The following STAT3 variants were observed in gnomAD, a reference collection of about 807,000 sequenced individuals.
STAT3 encodes DNA-binding protein APRF.
In STAT3, 7 loss-of-function variants were observed where a neutral mutation model predicts 114.3. The observed-to-expected ratio is 0.06, with a 90% CI of 0.03 to 0.11. STAT3 has a LOEUF of 0.11. Among genes scored for constraint, STAT3 ranks in the 10% least tolerant of loss-of-function variants. STAT3 has a pLI of 1.00. For missense variants in STAT3, 364 were observed against 960.9 expected (o/e 0.38, Z 8.21); for synonymous variants, 331 against 354.5 (o/e 0.93, Z 0.74).
At chr17:42,382,425 T>G (rs1455005736) in intron 1 of STAT3, among the ~76,000 whole-genome samples, 1 of 152,146 alleles carries the variant, frequency 6.6e-6, no homozygotes, top group Non-Finnish European at 1.5e-5. Flanking sequence ...CAGGATTCAG[T>G]CCCAGATCTG....
intron 1 of STAT3, 84 bp downstream of exon 1, chr17:42,388,195 C>A: frequency 8.2e-7 from 1 of 1,223,132 alleles, no homozygotes; most frequent in South Asian, 4.2e-5. Flanking sequence ...TCACAACATC[C>A]CCAAGGTCCC....
intron 1 of STAT3, 140 bp downstream of exon 1, chr17:42,388,139 G>T: frequency 2.9e-6 from 3 of 1,030,006 alleles, no homozygotes; most frequent in Non-Finnish European, 3.7e-6. Context: ...CCCTCAGGGC[G>T]ACCCTCCGCG....
chr17:42,363,964 G>A (rs959990722), intron 1 of STAT3, among the ~76,000 whole-genome samples: 2 of 151,912 alleles, frequency 1.3e-5, no homozygotes, highest in Non-Finnish European at 2.9e-5. Flanking sequence ...GAATCCCCAC[G>A]GTACATATAT....
intron 1 of STAT3, among the ~76,000 whole-genome samples, chr17:42,386,280 CAAA>C (rs61454571): frequency 1.4e-4 from 15 of 106,168 alleles, no homozygotes; most frequent in Admixed American, 2.2e-4. Context: ...GACTCTGACT[CAAA>C]AAAAAAAAAA....
chr17:42,374,846 C>T (rs1163016039), intron 1 of STAT3, among the ~76,000 whole-genome samples: 1 of 152,184 alleles, frequency 6.6e-6, no homozygotes, highest in Non-Finnish European at 1.5e-5. Context: ...TAAATCTCAT[C>T]TCTGCTATCT....
In STAT3 at chr17:42,324,219, C is replaced by T. The variant is rs1385569765; in HGVS notation, c.1600+492G>A. The stretch of plus-strand genomic sequence containing the variant: ...CTGTAGTCTCAGCTACTCGGGAGGC[C>T]GAGGCAGAAGAATCGCTTGAACCCA... On this transcript the variant is annotated intron_variant, in intron 17 of 23. Transcript: ENST00000264657. The surrounding 1 kb of genome is among the most constrained non-coding windows in gnomAD (Gnocchi z 4.5). Among the ~76,000 whole-genome samples the T allele has an allele frequency of 3.3e-5, 5 of 151,548 alleles. No individual in the cohort carries two copies. Among genetic ancestry groups the T allele is most frequent in the African/African-American group, 4.9e-5 (2 of 41,226 alleles).
At chr17:42,326,978 A>G (rs1233383600) in intron 14 of STAT3, among the ~76,000 whole-genome samples, 1 of 152,184 alleles carries the variant, frequency 6.6e-6, no homozygotes, top group African/African-American at 2.4e-5. Context: ...CCAGGGACAC[A>G]ACTTGCTCGG....
chr17:42,379,035 G>A (rs2084630435), intron 1 of STAT3, among the ~76,000 whole-genome samples: 1 of 152,038 alleles, frequency 6.6e-6, no homozygotes, highest in Non-Finnish European at 1.5e-5. Flanking sequence ...CAAACAAAGC[G>A]GGAAACAGGT....
chr17:42,325,690 G>A (rs959051372), intron 15 of STAT3, among the ~76,000 whole-genome samples: 9 of 151,680 alleles, frequency 5.9e-5, no homozygotes, highest in Non-Finnish European at 5.9e-5. Flanking sequence ...TCAGCCTCCC[G>A]AGTAGCTGGG....
intron 1 of STAT3, among the ~76,000 whole-genome samples, chr17:42,369,789 GCTAGGACTA>G (rs1475385826): frequency 5.9e-5 from 9 of 152,044 alleles, no homozygotes; most frequent in Admixed American, 6.6e-5. Context: ...CTCCTGAGTA[GCTAGGACTA>G]CAGGTACATG....
intron 3 of STAT3, 39 bp downstream of exon 3, chr17:42,346,530 C>T (rs373386490): frequency 1.7e-5 from 28 of 1,613,494 alleles, no homozygotes; most frequent in African/African-American, 4.0e-5. Flanking sequence ...CCCGACTCTG[C>T]GGGTCCTGTT....
chr17:42,382,733 G>A (rs564357862), intron 1 of STAT3, among the ~76,000 whole-genome samples: 12 of 150,484 alleles, frequency 8.0e-5, no homozygotes, highest in South Asian at 2.1e-4. Context: ...TGCAAGCTCC[G>A]CCTCCAGGAC....
intron 1 of STAT3, among the ~76,000 whole-genome samples, chr17:42,379,224 A>G (rs559921021): frequency 1.3e-5 from 2 of 152,176 alleles, no homozygotes; most frequent in South Asian, 4.1e-4. Flanking sequence ...TTCTCTTTCA[A>G]GCTCTGCTGG....
At chr17:42,348,170 G>C (rs1411198741) in intron 2 of STAT3, among the ~76,000 whole-genome samples, 1 of 152,134 alleles carries the variant, frequency 6.6e-6, no homozygotes, top group Non-Finnish European at 1.5e-5. Flanking sequence ...CACCATACAG[G>C]CGGTTTCAAT....
At position 42,315,836 on chromosome 17, in the gene STAT3, C is replaced by T. The variant is rs377703627; in HGVS notation, c.2258-36G>A. 29 of 1,613,660 alleles carry T rather than the reference C, an allele frequency of 1.8e-5. No individual in the cohort carries two copies. The East Asian group carries it at 4.2e-4, about 24-fold the overall frequency. Reference sequence around the variant, plus strand: ...AGACAGGGAAAACTAGTTCAGTTGTCCACCCTCTGCAACTGGCAGGCCACG... The same window carrying T: ...AGACAGGGAAAACTAGTTCAGTTGTTCACCCTCTGCAACTGGCAGGCCACG... On this transcript the variant is annotated intron_variant, in intron 23 of 23. Coordinates refer to ENST00000264657, the MANE Select transcript of STAT3 (RefSeq NM_139276.3).
At chr17:42,329,815 G>T in intron 11 of STAT3, 39 bp from the exon 12 acceptor site, 1 of 1,612,206 alleles carries the variant, frequency 6.2e-7, no homozygotes, top group Non-Finnish European at 8.5e-7. Context: ...AATAGGCTCT[G>T]TGTTTCTTCA....
chr17:42,336,358 G>C (rs2082228188), intron 8 of STAT3, among the ~76,000 whole-genome samples: 1 of 152,144 alleles, frequency 6.6e-6, no homozygotes, highest in African/African-American at 2.4e-5. Flanking sequence ...GAGCTTTTGA[G>C]AGGCCGAAGT....
At chr17:42,339,092 ATT>A (rs113555167) in intron 5 of STAT3, among the ~76,000 whole-genome samples, 12 of 146,762 alleles carry the variant, frequency 8.2e-5, no homozygotes, top group African/African-American at 3.0e-4. Flanking sequence ...ATCTCTACAA[ATT>A]TTTTTTTTTT....
At chr17:42,323,456 C>T (rs888844914) in intron 18 of STAT3, 102 bp from the exon 19 acceptor site, 12 of 1,553,658 alleles carry the variant, frequency 7.7e-6, no homozygotes, top group Admixed American at 5.1e-5. Context: ...CGTCTACCTT[C>T]AGGCAGGTCC....
Sources: gnomAD v4.1 joint callset for allele counts (sites outside exome capture counted in the v4.1 genomes callset) on GRCh38, gnomAD v4.1.1 for gene constraint, Gnocchi (gnomAD v3.1) non-coding constraint, MANE v1.5 for transcripts, NCBI Gene and HGNC (gene_info 2026-07-23, HGNC 2026-07-21) for gene names.